The following ABLIM1 variants were observed in gnomAD, a reference collection of about 807,000 sequenced individuals.
ABLIM1 encodes the protein actin binding LIM protein 1.
In ABLIM1, 40 loss-of-function variants were observed where a neutral mutation model predicts 107.0. The ratio of observed to expected loss-of-function variants is 0.37; its 90% CI spans 0.29 to 0.49. The LOEUF is 0.49. ABLIM1 is among the 20% of genes least tolerant of loss of function. The pLI is 0.97. For synonymous variants in ABLIM1, 357 were observed against 357.3 expected (o/e 1.00, Z 0.01); for missense variants, 857 against 1,008.5 (o/e 0.85, Z 2.04).
the ABLIM1 span, among the ~76,000 whole-genome samples, chr10:114,789,577 T>G: frequency 6.6e-6 from 1 of 152,198 alleles, no homozygotes; most frequent in Non-Finnish European, 1.5e-5. Context: ...CTCTGCAACC[T>G]CATCAGCATC....
chr10:114,709,058 T>G (rs2081486508), intron 1 of ABLIM1, among the ~76,000 whole-genome samples: 1 of 152,208 alleles, frequency 6.6e-6, no homozygotes, highest in South Asian at 2.1e-4. Context: ...ATGGACCACA[T>G]GTATGGCTGT....
chr10:114,582,129 C>G (rs140197438), intron 2 of ABLIM1, among the ~76,000 whole-genome samples: 1 of 152,108 alleles, frequency 6.6e-6, no homozygotes, highest in East Asian at 1.9e-4. Context: ...AAAGACTCCA[C>G]CAAAAGGCTC....
chr10:114,800,160 C>G, the ABLIM1 span, among the ~76,000 whole-genome samples: 1 of 152,108 alleles, frequency 6.6e-6, no homozygotes, highest in African/African-American at 2.4e-5. Context: ...AAAATAATAT[C>G]CAAAATTCCT....
intron 2 of ABLIM1, among the ~76,000 whole-genome samples, chr10:114,595,465 C>T (rs1195126600): frequency 6.6e-6 from 1 of 152,094 alleles, no homozygotes; most frequent in East Asian, 1.9e-4. Context: ...CAAAGTAAAA[C>T]ATTAAAAACC....
intron 6 of ABLIM1, among the ~76,000 whole-genome samples, chr10:114,492,522 G>A (rs2059144451): frequency 6.6e-6 from 1 of 152,170 alleles, no homozygotes; most frequent in African/African-American, 2.4e-5. Flanking sequence ...TATGACAGAT[G>A]CCATCACAGC....
At chr10:114,781,371 G>A in the ABLIM1 span, among the ~76,000 whole-genome samples, 2 of 151,918 alleles carry the variant, frequency 1.3e-5, no homozygotes, top group Non-Finnish European at 2.9e-5. Context: ...GGGCGTGGTG[G>A]TGCACGTCTG....
intron 1 of ABLIM1, among the ~76,000 whole-genome samples, chr10:114,745,397 C>T (rs1246386790): frequency 2.1e-5 from 3 of 142,344 alleles, no homozygotes; most frequent in Non-Finnish European, 4.6e-5. Context: ...CCTGTCTGTA[C>T]TAAAAATACA....
intron 1 of ABLIM1, among the ~76,000 whole-genome samples, chr10:114,756,365 C>T (rs1260330580): frequency 6.6e-6 from 1 of 152,052 alleles, no homozygotes; most frequent in Non-Finnish European, 1.5e-5. Flanking sequence ...CCCTTAATTA[C>T]ACTTTATTTG....
At chr10:114,543,589 T>C (rs2066953597) in intron 6 of ABLIM1, among the ~76,000 whole-genome samples, 1 of 152,220 alleles carries the variant, frequency 6.6e-6, no homozygotes, top group African/African-American at 2.4e-5. Context: ...AGGGCTGCTG[T>C]GAACGCGTGC....
chr10:114,585,622 C>A (rs1471302606), intron 2 of ABLIM1, among the ~76,000 whole-genome samples: 3 of 152,136 alleles, frequency 2.0e-5, no homozygotes, highest in East Asian at 1.9e-4. Flanking sequence ...GTAAGCCCCC[C>A]ACATCTTCCA....
intron 2 of ABLIM1, among the ~76,000 whole-genome samples, chr10:114,582,813 A>G (rs1475840499): frequency 6.6e-6 from 1 of 152,344 alleles, no homozygotes; most frequent in East Asian, 1.9e-4. Flanking sequence ...ATCCATATGC[A>G]GAAGAATGAA....
Position 114,575,464 on chromosome 10 carries a change from G to A in ABLIM1, c.515C>T (p.Ala172Val). ...GEFVEGEVVT[A>V]LGKTYHPNCF... ...ATTGGGATGGTAGGTCTTGCCCAGAGCAGTCACCACTTCGCCCTCCACGAA... is the reference window on the plus strand; with the variant it reads ...ATTGGGATGGTAGGTCTTGCCCAGAACAGTCACCACTTCGCCCTCCACGAA... The change falls in exon 3 of 23, where the codon GCT (alanine) becomes GTT (valine). Residue 172 changes from alanine to valine, a missense_variant. Physicochemically the swap from Ala to Val is moderately conservative, Grantham distance 64. Around this residue, in one of 5 missense-constraint regions of ABLIM1, gnomAD observed 381 missense variants for 506.9 expected, o/e 0.75. Transcript: ENST00000533213. 1 of 1,614,076 alleles carries A rather than the reference G, an allele frequency of 6.2e-7. No homozygotes were observed. The highest frequency in any genetic ancestry group is 1.3e-5 in the African/African-American group (1 of 74,922).
chr10:114,530,954 C>T (rs1197517787), intron 6 of ABLIM1, among the ~76,000 whole-genome samples: 2 of 152,202 alleles, frequency 1.3e-5, no homozygotes, highest in African/African-American at 2.4e-5. Flanking sequence ...CATTTATCCA[C>T]ACACCTTTAT....
chr10:114,601,918 G>C lies in ABLIM1; in HGVS notation c.288C>G (p.Val96=). 6.2e-7 allele frequency: 1 copy of C among 1,614,170 alleles called. No individual in the cohort carries two copies. The highest frequency in any genetic ancestry group is 8.5e-7 in the Non-Finnish European group (1 of 1,180,032). ...GCTCCCCACATTTATGGCAGTGAAT[G>C]ACAGGCTTCTCTGATGGGTGGTGAG... ...QDPHHPSEKP[V]IHCHKCGEPC... is the part of the protein sequence containing the mutation. Residue 96 remains valine, a synonymous_variant, in exon 2 of 23, where the codon GTC becomes GTG. Transcript: ENST00000533213.
intron 10 of ABLIM1, among the ~76,000 whole-genome samples, chr10:114,471,825 T>C (rs2066632478): frequency 6.6e-6 from 1 of 152,116 alleles, no homozygotes; most frequent in African/African-American, 2.4e-5. Context: ...TTAACCTTTG[T>C]TGAATAGCTG....
chr10:114,795,937 A>G, the ABLIM1 span, among the ~76,000 whole-genome samples: 11 of 152,262 alleles, frequency 7.2e-5, no homozygotes, highest in South Asian at 2.3e-3. Context: ...TTTTGCCTAT[A>G]AAAAAGCCAA....
intron 1 of ABLIM1, among the ~76,000 whole-genome samples, chr10:114,641,940 T>C (rs2078772701): frequency 6.6e-6 from 1 of 151,784 alleles, no homozygotes; most frequent in African/African-American, 2.4e-5. Flanking sequence ...CAGAGTGCAG[T>C]GGCATGATCA....
At chr10:114,552,491 G>GAAAAAAAAAAAAAAAAAAAAAGAAA (rs68058352) in intron 4 of ABLIM1, among the ~76,000 whole-genome samples, 1 of 120,660 alleles carries the variant, frequency 8.3e-6, no homozygotes, top group African/African-American at 3.0e-5. Flanking sequence ...ACCTAACATG[G>GAAAAAAAAAAAAAAAAAAAAAGAAA]AAAAAAAAAA....
chr10:114,711,810 G>A (rs931685679), intron 1 of ABLIM1, among the ~76,000 whole-genome samples: 4 of 152,098 alleles, frequency 2.6e-5, no homozygotes, highest in East Asian at 1.9e-4. Context: ...GGTAGAGAAG[G>A]AGTCCAGGGA....
Sources: gnomAD v4.1 joint callset for allele counts (sites outside exome capture counted in the v4.1 genomes callset) on GRCh38, gnomAD v4.1.1 for gene constraint, gnomAD v4.1.1 regional missense constraint, MANE v1.5 for transcripts, NCBI Gene and HGNC (gene_info 2026-07-23, HGNC 2026-07-21) for gene names.